Variants in FCHSD2 observed in about 807,000 individuals in gnomAD.
The protein encoded by FCHSD2 is F-BAR and double SH3 domains protein 2.
FCHSD2 carries 38 observed loss-of-function variants against 108.1 expected under a neutral mutation model. The ratio of observed to expected loss-of-function variants is 0.35; its 90% CI spans 0.27 to 0.46. The LOEUF (loss-of-function observed/expected upper bound fraction) is 0.46. FCHSD2 is among the 20% of genes least tolerant of loss of function. The pLI is 1.00. For synonymous variants in FCHSD2, 279 were observed against 314.7 expected (o/e 0.89, Z 1.20); for missense variants, 751 against 897.8 (o/e 0.84, Z 2.09).
At chr11:73,014,839 GA>G (rs1183050753) in intron 4 of FCHSD2, among the ~76,000 whole-genome samples, 1 of 151,842 alleles carries the variant, frequency 6.6e-6, no homozygotes, top group Non-Finnish European at 1.5e-5. Flanking sequence ...CCTCAAAAAA[GA>G]AATCAAATTC....
At chr11:73,139,206 T>C (rs1043692656) in intron 2 of FCHSD2, among the ~76,000 whole-genome samples, 2 of 152,222 alleles carry the variant, frequency 1.3e-5, no homozygotes, top group African/African-American at 2.4e-5. Context: ...TTAATATTTT[T>C]CATGAAACCA....
intron 3 of FCHSD2, among the ~76,000 whole-genome samples, chr11:73,038,165 G>A (rs939157043): frequency 2.0e-5 from 3 of 151,988 alleles, no homozygotes; most frequent in African/African-American, 7.2e-5. Context: ...GCAACAAGGA[G>A]ATCTGTCTCT....
intron 12 of FCHSD2, among the ~76,000 whole-genome samples, chr11:72,881,674 C>A (rs1350795137): frequency 6.6e-6 from 1 of 152,118 alleles, no homozygotes; most frequent in Admixed American, 6.5e-5. Context: ...GTGATATATA[C>A]ACACAATGGA....
chr11:72,955,232 T>C (rs959615584), intron 8 of FCHSD2, among the ~76,000 whole-genome samples: 10 of 152,234 alleles, frequency 6.6e-5, no homozygotes, highest in Non-Finnish European at 1.3e-4. Context: ...TTAGGGTCGA[T>C]TAGTTTGCTA....
intron 9 of FCHSD2, among the ~76,000 whole-genome samples, chr11:72,912,847 T>C (rs1184154433): frequency 6.6e-6 from 1 of 152,216 alleles, no homozygotes; most frequent in African/African-American, 2.4e-5. Context: ...CATGGCTCAA[T>C]CTTGGTAGGT....
chr11:73,050,873 A>G (rs1044185951), intron 3 of FCHSD2, among the ~76,000 whole-genome samples: 1 of 152,346 alleles, frequency 6.6e-6, no homozygotes, highest in East Asian at 1.9e-4. Flanking sequence ...TCTTGCTACA[A>G]TGGCCTTCTA....
intron 2 of FCHSD2, among the ~76,000 whole-genome samples, chr11:73,136,784 C>A (rs533937035): frequency 6.6e-6 from 1 of 152,268 alleles, no homozygotes; most frequent in South Asian, 2.1e-4. Context: ...AATCCTAGCA[C>A]TTTGGGAGGC....
At chr11:73,078,440 A>G (rs1859606058) in intron 3 of FCHSD2, among the ~76,000 whole-genome samples, 1 of 152,172 alleles carries the variant, frequency 6.6e-6, no homozygotes, top group Admixed American at 6.6e-5. Context: ...AAGAATAGGA[A>G]TTTTCTCTAT....
At chr11:72,946,734 G>A (rs991969200) in intron 8 of FCHSD2, among the ~76,000 whole-genome samples, 3 of 152,256 alleles carry the variant, frequency 2.0e-5, no homozygotes, top group East Asian at 3.9e-4. Flanking sequence ...TATTCTAGGA[G>A]CTTTGTGCAG....
intron 3 of FCHSD2, among the ~76,000 whole-genome samples, chr11:73,032,385 G>A (rs1858381480): frequency 6.6e-6 from 1 of 151,890 alleles, no homozygotes; most frequent in Non-Finnish European, 1.5e-5. Flanking sequence ...TGCATTGCCT[G>A]GTTAATTTTT....
At chr11:73,104,290 A>C (rs549950601) in intron 2 of FCHSD2, among the ~76,000 whole-genome samples, 2 of 152,376 alleles carry the variant, frequency 1.3e-5, no homozygotes, top group African/African-American at 4.8e-5. Flanking sequence ...TTATGGAGAC[A>C]GAGTCTCACT....
At chr11:73,067,610 A>G (rs75028716) in intron 3 of FCHSD2, among the ~76,000 whole-genome samples, 223 of 152,304 alleles carry the variant, frequency 1.5e-3, no homozygotes, top group African/African-American at 5.2e-3. Flanking sequence ...TGAAGCATTT[A>G]TAAGACCTGG....
intron 9 of FCHSD2, among the ~76,000 whole-genome samples, chr11:72,917,238 C>T (rs1285335438): frequency 6.6e-6 from 1 of 152,144 alleles, no homozygotes; most frequent in Non-Finnish European, 1.5e-5. Flanking sequence ...CCATCTCGGC[C>T]TCTCAAAGTG....
At chr11:73,140,843 G>A (rs571795945) in intron 1 of FCHSD2, among the ~76,000 whole-genome samples, 1 of 152,222 alleles carries the variant, frequency 6.6e-6, no homozygotes, top group Non-Finnish European at 1.5e-5. Context: ...CCCAGGGTTC[G>A]AAGTTAACGG....
chr11:72,852,748 T>C (rs1861324125), intron 13 of FCHSD2, among the ~76,000 whole-genome samples: 1 of 151,660 alleles, frequency 6.6e-6, no homozygotes. Flanking sequence ...TCAACCTAAA[T>C]ACTAATCAAT....
chr11:72,887,078 T>A (rs997212171), intron 12 of FCHSD2, among the ~76,000 whole-genome samples: 17 of 150,366 alleles, frequency 1.1e-4, no homozygotes, highest in South Asian at 2.1e-4. Flanking sequence ...GCTCTGAAAA[T>A]ATATATATAT....
At chr11:72,918,253 G>C (rs1257246331) in intron 9 of FCHSD2, among the ~76,000 whole-genome samples, 1 of 151,816 alleles carries the variant, frequency 6.6e-6, no homozygotes, top group African/African-American at 2.4e-5. Flanking sequence ...CTTATATGTT[G>C]CTAAATTTAT....
intron 19 of FCHSD2, among the ~76,000 whole-genome samples, chr11:72,839,550 G>A (rs1293742549): frequency 6.6e-6 from 1 of 152,140 alleles, no homozygotes; most frequent in Non-Finnish European, 1.5e-5. Context: ...AGATTTGCGA[G>A]CTCTCTGCAA....
At chr11:72,905,539 T>C (rs977430042) in intron 9 of FCHSD2, among the ~76,000 whole-genome samples, 2 of 152,196 alleles carry the variant, frequency 1.3e-5, no homozygotes, top group Admixed American at 6.5e-5. Context: ...GCTGCACCCA[T>C]CAACTCATCA....
Sources: gnomAD v4.1 joint callset for allele counts (sites outside exome capture counted in the v4.1 genomes callset) on GRCh38, gnomAD v4.1.1 for gene constraint, MANE v1.5 for transcripts, NCBI Gene and HGNC (gene_info 2026-07-23, HGNC 2026-07-21) for gene names.